RYR2: variants seen among roughly 807,000 people sequenced by gnomAD.
RYR2 encodes the protein ryanodine receptor 2.
In RYR2, 227 loss-of-function variants were observed where a neutral mutation model predicts 601.1. The ratio of observed to expected loss-of-function variants is 0.38; its 90% confidence interval spans 0.34 to 0.42. The LOEUF is 0.42. Ranked by LOEUF, RYR2 falls within the 10% of genes least tolerant of loss-of-function variation. RYR2 has a pLI of 1.00. For synonymous variants in RYR2, 2,223 were observed against 2,175.1 expected (o/e 1.02, Z -0.61); for missense variants, 4,646 against 6,156.5 (o/e 0.75, Z 8.21).
At chr1:237,373,452 A>G (rs1384725239) in intron 6 of RYR2, among the ~76,000 whole-genome samples, 1 of 152,178 alleles carries the variant, frequency 6.6e-6, no homozygotes, top group Admixed American at 6.5e-5. Flanking sequence ...CCATAATAAG[A>G]CATTTCTAGC....
At chr1:237,734,499 A>T (rs1165345579) in intron 79 of RYR2, among the ~76,000 whole-genome samples, 1 of 152,026 alleles carries the variant, frequency 6.6e-6, no homozygotes, top group African/African-American at 2.4e-5. Flanking sequence ...ATGTCAAGAA[A>T]CTCTTAGGAG....
chr1:237,120,937 G>T (rs1670697634), intron 1 of RYR2: 1 of 152,106 alleles, frequency 6.6e-6, no homozygotes, highest in South Asian at 2.1e-4. Context: ...CCAAGAGAAT[G>T]ACCTTCCTCG....
chr1:237,601,982 T>C (rs1259392916), intron 34 of RYR2, 43 bp from the exon 35 acceptor site: 3 of 1,542,660 alleles, frequency 1.9e-6, no homozygotes, highest in Non-Finnish European at 2.7e-6. Flanking sequence ...TCCCTTGTCT[T>C]GTTTCATTAC....
intron 1 of RYR2, among the ~76,000 whole-genome samples, chr1:237,077,060 T>A (rs1439310554): frequency 2.4e-5 from 1 of 42,060 alleles, no homozygotes; most frequent in Non-Finnish European, 6.5e-5. Flanking sequence ...AAATACTTTA[T>A]AGACAAGCAA....
intron 1 of RYR2, among the ~76,000 whole-genome samples, chr1:237,227,807 T>C (rs939973836): frequency 4.6e-5 from 7 of 152,240 alleles, no homozygotes; most frequent in Non-Finnish European, 8.8e-5. Flanking sequence ...CTGGAATAAG[T>C]GGATAATTAT....
At chr1:237,547,869 G>A (rs546329637) in intron 25 of RYR2, among the ~76,000 whole-genome samples, 1 of 152,248 alleles carries the variant, frequency 6.6e-6, no homozygotes, top group South Asian at 2.1e-4. Context: ...ATATAGCTGT[G>A]ATTTTCTTTA....
intron 1 of RYR2, among the ~76,000 whole-genome samples, chr1:237,050,371 G>A (rs901078657): frequency 2.0e-5 from 3 of 152,196 alleles, no homozygotes; most frequent in South Asian, 2.1e-4. Context: ...AGGCGGGAAC[G>A]AGGACACATT....
chr1:237,053,997 G>T (rs1558149680), intron 1 of RYR2, among the ~76,000 whole-genome samples: 1 of 152,346 alleles, frequency 6.6e-6, no homozygotes, highest in East Asian at 1.9e-4. Flanking sequence ...CAATTCATTT[G>T]ATTCCTGGAA....
chr1:237,112,010 T>G (rs1342753459), intron 1 of RYR2, among the ~76,000 whole-genome samples: 1 of 152,112 alleles, frequency 6.6e-6, no homozygotes, highest in Non-Finnish European at 1.5e-5. Flanking sequence ...GGTGGGTGAG[T>G]GCACCCTAGT....
At chr1:237,776,678 A>G (rs3766888) in intron 87 of RYR2, among the ~76,000 whole-genome samples, 26,605 of 150,980 alleles carry the variant, frequency 0.18, 2,438 homozygotes, top group East Asian at 0.27. Flanking sequence ...TCCCCTCCTG[A>G]TTAACCCCAG....
intron 27 of RYR2, among the ~76,000 whole-genome samples, chr1:237,556,809 A>C (rs1425336911): frequency 7.0e-6 from 1 of 143,442 alleles, no homozygotes; most frequent in Admixed American, 7.2e-5. Flanking sequence ...TGGTGATATG[A>C]GGGAAATCTT....
intron 73 of RYR2, among the ~76,000 whole-genome samples, chr1:237,720,044 G>T (rs1219576045): frequency 6.6e-6 from 1 of 152,202 alleles, no homozygotes; most frequent in Non-Finnish European, 1.5e-5. Flanking sequence ...TTAATGGTGG[G>T]TGAAAGAATT....
chr1:237,152,277 C>G (rs1674801076), intron 1 of RYR2, among the ~76,000 whole-genome samples: 1 of 152,132 alleles, frequency 6.6e-6, no homozygotes. Context: ...GGGTTGGTTC[C>G]ATGTCTTCGC....
At chr1:237,438,497 C>G (rs981440761) in intron 12 of RYR2, among the ~76,000 whole-genome samples, 11 of 152,160 alleles carry the variant, frequency 7.2e-5, no homozygotes, top group Non-Finnish European at 1.6e-4. Context: ...TCAGTTTTCT[C>G]TCTTTTACAT....
chr1:237,063,918 C>T (rs925942259), intron 1 of RYR2, among the ~76,000 whole-genome samples: 3 of 152,000 alleles, frequency 2.0e-5, no homozygotes, highest in African/African-American at 7.3e-5. Context: ...TCCATTATTT[C>T]TCTTTGGAAG....
At chr1:237,787,192 C>CA (rs1358791001) in intron 91 of RYR2, among the ~76,000 whole-genome samples, 1 of 151,842 alleles carries the variant, frequency 6.6e-6, no homozygotes, top group East Asian at 1.9e-4. Context: ...AAATTAATTA[C>CA]AATTAATATA....
chr1:237,199,335 A>G (rs1680921746), intron 1 of RYR2, among the ~76,000 whole-genome samples: 1 of 152,256 alleles, frequency 6.6e-6, no homozygotes, highest in East Asian at 1.9e-4. Flanking sequence ...TAGTGAAGCC[A>G]GCAGTGCAGC....
chr1:237,436,998 G>A (rs1707452644), intron 12 of RYR2, among the ~76,000 whole-genome samples: 2 of 151,066 alleles, frequency 1.3e-5, no homozygotes, highest in African/African-American at 4.9e-5. Context: ...ATACTTTTCA[G>A]ACCAATCGTT....
At chr1:237,172,926 A>G (rs1365581217) in intron 1 of RYR2, among the ~76,000 whole-genome samples, 1 of 152,176 alleles carries the variant, frequency 6.6e-6, no homozygotes, top group Non-Finnish European at 1.5e-5. Flanking sequence ...GCTGTGTTCA[A>G]GTACTTGGGA....
Sources: allele counts gnomAD v4.1 joint callset (sites outside exome capture counted in the v4.1 genomes callset), GRCh38; gene constraint gnomAD v4.1.1; transcripts MANE v1.5; gene names NCBI Gene and HGNC (gene_info 2026-07-23, HGNC 2026-07-21).